SCRIB: variants seen among roughly 807,000 people sequenced by gnomAD.
SCRIB encodes the protein protein scribble homolog.
Under a neutral mutation model 170.0 loss-of-function variants are expected in SCRIB, and 72 were observed. That is an observed-to-expected ratio of 0.42 (90% confidence interval 0.35 to 0.52). The LOEUF is 0.52. SCRIB is among the 20% of genes least tolerant of loss of function. The probability of loss-of-function intolerance (pLI) is 0.02; values close to 1 mark genes in which losing one functional copy is unlikely to be tolerated. For synonymous variants in SCRIB, 1,298 were observed against 1,044.3 expected (o/e 1.24, Z -4.68); for missense variants, 2,475 against 2,338.5 (o/e 1.06, Z -1.20).
intron 28 of SCRIB, chr8:143,793,571 A>C: frequency 2.8e-6 from 1 of 358,976 alleles, no homozygotes; most frequent in Non-Finnish European, 5.1e-6. Flanking sequence ...GTGGGGGGGC[A>C]AGGACCCCCA....
Position 143,792,006 on chromosome 8 carries a change from G to T in SCRIB, c.4642C>A (p.Pro1548Thr). 1 of 1,529,782 alleles carries T rather than the reference G, an allele frequency of 6.5e-7. No individual in the cohort carries two copies. 94.8% of individuals were successfully genotyped at this position (1,529,782 alleles called of 1,614,324 possible). A position where few individuals can be genotyped will look rare whatever the true frequency, so the allele number is the denominator to read the frequency against. Residue 1548 changes from proline (P) to threonine (T), a missense_variant, in exon 33 of 37, where the codon CCC becomes ACC. By Grantham distance (38) the Pro-to-Thr change is conservative. Coordinates refer to ENST00000356994, the MANE Select transcript of SCRIB (RefSeq NM_182706.5). The stretch of plus-strand genomic sequence containing the variant: ...ACCCACAGACCTTCCACAGGGGTGG[G>T]CGACGGGGTGGGCGCAGGGGAAGGG... ...EAPSPAPTPS[P>T]TPVEDLGPQT...
chr8:143,801,337 G>C (rs1483642094), intron 24 of SCRIB, among the ~76,000 whole-genome samples: 1 of 152,212 alleles, frequency 6.6e-6, no homozygotes, highest in Non-Finnish European at 1.5e-5. Context: ...GGCGACAAGC[G>C]AGACCTCATC....
chr8:143,807,812 A>C (rs1384005733), intron 15 of SCRIB, among the ~76,000 whole-genome samples, 198 bp from the exon 16 acceptor site: 8 of 152,152 alleles, frequency 5.3e-5, no homozygotes, highest in African/African-American at 1.9e-4. Flanking sequence ...TCCAGAGCTG[A>C]GCAGAGTCCC....
At position 143,791,574 on chromosome 8, in the gene SCRIB, G is replaced by A. The variant is rs558316607; in HGVS notation, c.4770+92C>T. The A allele has an allele frequency of 1.8e-4, 277 of 1,520,280 alleles. 1 individual carries two copies. The highest frequency in any genetic ancestry group is 1.8e-3 in the African/African-American group (129 of 73,172). 94.2% of individuals were successfully genotyped at this position (1,520,280 alleles called of 1,614,324 possible). On this transcript the variant is annotated intron_variant, in intron 35 of 36. Coordinates refer to ENST00000356994, the MANE Select transcript of SCRIB (RefSeq NM_182706.5). ...AGGGGGGGTGAAGAGGCAGGGCCAC[G>A]GCAGAGCGTGGGGAGGCCCTGCGGG... is the stretch of plus-strand genomic sequence containing the variant.
At chr8:143,794,682 A>C (rs571875995) in intron 27 of SCRIB, among the ~76,000 whole-genome samples, 107 of 151,026 alleles carry the variant, frequency 7.1e-4, no homozygotes, top group African/African-American at 2.5e-3. Flanking sequence ...CCCCTTGGGG[A>C]CATGTGCCTG....
chr8:143,805,199 G>A lies in SCRIB; in HGVS notation c.2583C>T (p.His861=), dbSNP rs781919637. 8 of 1,572,992 alleles carry A rather than the reference G, an allele frequency of 5.1e-6. No homozygotes were observed. The highest frequency in any genetic ancestry group is 6.0e-6 in the Non-Finnish European group (7 of 1,161,992). The part of the protein sequence containing the change: ...PESPGPLRQR[H]VACLARSERG... ...TCTCGCTGCGTGCCAGGCAGGCCAC[G>A]TGGCGCTGACGGAGGGGCCCGGGGC... The change falls in exon 19 of 37, where the codon CAC becomes CAT. Residue 861 remains histidine, a synonymous_variant. Transcript: ENST00000356994.
Position 143,812,703 on chromosome 8 carries a change from G to A in SCRIB, c.787+114C>T, listed in dbSNP as rs187871868. 177 of 1,381,458 alleles carry A rather than the reference G, an allele frequency of 1.3e-4. 2 individuals are homozygous for A. In the East Asian group the frequency reaches 3.0e-3, roughly 23 times the overall value. The allele number at this position is 1,381,458 out of a possible 1,614,324, so 85.6% of individuals were successfully genotyped here. Reference sequence around the variant, plus strand: ...TCCCCAGGGACAGCTCCCAGAGCCTGGGCACACTCAGGATCCTCCCCTGTG... The same window carrying A: ...TCCCCAGGGACAGCTCCCAGAGCCTAGGCACACTCAGGATCCTCCCCTGTG... On this transcript the variant is annotated intron_variant, in intron 8 of 36. Coordinates refer to ENST00000356994, the MANE Select transcript of SCRIB (RefSeq NM_182706.5).
In SCRIB at chr8:143,791,196, A is replaced by G; in HGVS notation, c.4935T>C (p.Pro1645=). 6.9e-7 allele frequency: 1 copy of G among 1,443,040 alleles called. No homozygotes were observed. The highest frequency in any genetic ancestry group is 2.9e-5 in the Admixed American group (1 of 34,452). 89.4% of individuals were successfully genotyped at this position (1,443,040 alleles called of 1,614,324 possible). A position where few individuals can be genotyped will look rare whatever the true frequency, so the allele number is the denominator to read the frequency against. ...ALCSSRRPVR[P]GRRGLGPVPS ...GCACAGGGCCCAGGCCACGGCGCCC[A>G]GGCCTTACGGGGCGGCGGCTGCTGC... Residue 1645 remains proline, a synonymous_variant, in exon 37 of 37, where the codon CCT becomes CCC. Transcript: ENST00000356994.
chr8:143,803,239 C>G (rs1244569928), intron 24 of SCRIB, 144 bp downstream of exon 24: 17 of 784,370 alleles, frequency 2.2e-5, no homozygotes, highest in Non-Finnish European at 3.3e-5. Flanking sequence ...GCTCCCCAGC[C>G]CGCACGGCTG....
Position 143,810,789 on chromosome 8 carries a change from G to A in SCRIB, c.1301C>T (p.Ser434Leu), listed in dbSNP as rs779811140. The change falls in exon 12 of 37, where the codon TCG becomes TTG. Residue 434 changes from serine (S) to leucine (L), a missense_variant. Around this residue, in one of 3 missense-constraint regions of SCRIB, gnomAD observed 1,966 missense variants for 1,742.9 expected, o/e 1.13. Coordinates refer to ENST00000356994, the MANE Select transcript of SCRIB (RefSeq NM_182706.5). ...CGGCGGGGCATCGCTCCAGGTCTCC[G>A]AGAGGCTCCCCTGCTGCCCAGCATC... ...LEDAGQQGSL[S>L]ETWSDAPPSR... 14 of 1,603,778 alleles carry A rather than the reference G, an allele frequency of 8.7e-6. No homozygotes were observed. Among genetic ancestry groups the A allele is most frequent in the Admixed American group, 3.3e-5 (2 of 59,880 alleles).
rs113426047 is a variant in SCRIB, at chr8:143,813,891, G to A, written c.283C>T (p.Pro95Ser). 1.1e-5 allele frequency: 18 copies of A among 1,608,088 alleles called. No homozygotes were observed. The highest frequency in any genetic ancestry group is 1.1e-4 in the African/African-American group (8 of 74,978). The change falls in exon 3 of 37, where the codon CCT becomes TCT. Residue 95 changes from proline (P) to serine (S), a missense_variant. By Grantham distance (74) the Pro-to-Ser change is moderately conservative. This residue lies in a region of SCRIB where 487 missense variants were observed against 558.1 expected (regional missense o/e 0.87). Coordinates refer to ENST00000356994, the MANE Select transcript of SCRIB (RefSeq NM_182706.5). ...VELDVSRNDI[P>S]EIPESIKFCK... The stretch of plus-strand genomic sequence containing the variant: ...AACTTGATGCTCTCCGGGATCTCAG[G>A]GATATCTGTCACAGAGGGTCACAGT...
chr8:143,792,857 G>C lies in SCRIB; in HGVS notation c.4028C>G (p.Pro1343Arg). Residue 1343 changes from proline to arginine, a missense_variant, in exon 30 of 37, where the codon CCT (proline) becomes CGT (arginine). Coordinates refer to ENST00000356994, the MANE Select transcript of SCRIB (RefSeq NM_182706.5). ...PEDAPAQPPT[P>R]GPAASPEQLS... is the part of the protein sequence containing the mutation. ...CTGCTCCGGGGAGGCTGCAGGCCCAGGCGTGGGGGGCTGGGGGGAGCGGAC... is the reference window on the plus strand; with the variant it reads ...CTGCTCCGGGGAGGCTGCAGGCCCACGCGTGGGGGGCTGGGGGGAGCGGAC... The C allele has an allele frequency of 6.6e-7, 1 of 1,520,604 alleles. No homozygotes were observed. The highest frequency in any genetic ancestry group is 8.8e-7 in the Non-Finnish European group (1 of 1,138,102). 94.2% of individuals were successfully genotyped at this position (1,520,604 alleles called of 1,614,324 possible).
rs371785838 is a variant in SCRIB, at chr8:143,806,464, C to T, written c.2289G>A (p.Val763=). The change falls in exon 18 of 37, where the codon GTG becomes GTA. Residue 763 remains valine (V), a synonymous_variant. Coordinates refer to ENST00000356994, the MANE Select transcript of SCRIB (RefSeq NM_182706.5). ...GDDEGIFISR[V]SEEGPAARAG... The stretch of plus-strand genomic sequence containing the variant: ...CCCGGGCCGCAGGGCCTTCCTCGGA[C>T]ACCCGAGAGATGAATATGCCCTAGG... The T allele has an allele frequency of 5.7e-4, 915 of 1,602,388 alleles. 16 individuals are homozygous for T. The South Asian group carries it at 9.8e-3, about 17-fold the overall frequency.
At chr8:143,805,703 C>T (rs1224816343) in intron 18 of SCRIB, among the ~76,000 whole-genome samples, 5 of 152,236 alleles carry the variant, frequency 3.3e-5, no homozygotes, top group African/African-American at 9.6e-5. Context: ...GATGCCCCCA[C>T]GGCCAGGCCA....
At chr8:143,800,049 T>A (rs1299146588) in intron 24 of SCRIB, among the ~76,000 whole-genome samples, 2 of 57,798 alleles carry the variant, frequency 3.5e-5, no homozygotes, top group East Asian at 5.8e-4. Flanking sequence ...ACCCCACCCA[T>A]GCTCTGGAGT....
At chr8:143,814,187 G>GT (rs1442304831) in intron 1 of SCRIB, 69 bp from the exon 2 acceptor site, 3 of 1,306,370 alleles carry the variant, frequency 2.3e-6, no homozygotes, top group African/African-American at 1.5e-5. Context: ...TCCTGGACAC[G>GT]TGAGTGTCAC....
At position 143,791,242 on chromosome 8, in the gene SCRIB, C is replaced by T; in HGVS notation, c.4889G>A (p.Gly1630Asp). The T allele has an allele frequency of 6.7e-7, 1 of 1,492,786 alleles. No individual in the cohort carries two copies. The highest frequency in any genetic ancestry group is 8.9e-7 in the Non-Finnish European group (1 of 1,120,514). The allele number at this position is 1,492,786 out of a possible 1,614,324, so 92.5% of individuals were successfully genotyped here. Residue 1630 changes from glycine (G) to aspartate (D), a missense_variant, in exon 37 of 37, where the codon GGC becomes GAC. Transcript: ENST00000356994. ...LLGRPSPGAV[G>D]PEDVALCSSR... ...GCTGCACAGTGCCACATCTTCAGGGCCCACAGCGCCGGGTGAGGGCCTGCC... is the reference window on the plus strand; with the variant it reads ...GCTGCACAGTGCCACATCTTCAGGGTCCACAGCGCCGGGTGAGGGCCTGCC...
In SCRIB at chr8:143,806,953, C is replaced by A; in HGVS notation, c.2239G>T (p.Gly747Cys). The A allele has an allele frequency of 6.2e-7, 1 of 1,613,320 alleles. No homozygotes were observed. The highest frequency in any genetic ancestry group is 8.5e-7 in the Non-Finnish European group (1 of 1,179,746). The stretch of plus-strand genomic sequence containing the variant: ...TCGTCCCCCTTATAGGGTGTGGAGC[C>A]CTTGCCGCCCGCAATGCTGATGCCC... Reference protein sequence around the residue: ...GLGISIAGGKGSTPYKGDDEG... With the variant: ...GLGISIAGGKCSTPYKGDDEG... The change falls in exon 17 of 37, where the codon GGC (glycine) becomes TGC (cysteine). Residue 747 changes from glycine to cysteine, a missense_variant. By Grantham distance (159) the Gly-to-Cys change is radical. Around this residue, in one of 3 missense-constraint regions of SCRIB, gnomAD observed 1,966 missense variants for 1,742.9 expected, o/e 1.13. Coordinates refer to ENST00000356994, the MANE Select transcript of SCRIB (RefSeq NM_182706.5).
At chr8:143,806,373 G>A in intron 18 of SCRIB, 34 bp downstream of exon 18, 2 of 1,538,932 alleles carry the variant, frequency 1.3e-6, no homozygotes, top group Non-Finnish European at 1.8e-6. Context: ...AGAGGGCACA[G>A]CTGCCACTCG....
Sources: gnomAD v4.1 joint callset for allele counts (sites outside exome capture counted in the v4.1 genomes callset) on GRCh38, gnomAD v4.1.1 for gene constraint, gnomAD v4.1.1 regional missense constraint, MANE v1.5 for transcripts, NCBI Gene and HGNC (gene_info 2026-07-23, HGNC 2026-07-21) for gene names.